Variants in FIBCD1 observed in about 807,000 individuals in gnomAD.
The protein encoded by FIBCD1 is fibrinogen C domain-containing protein 1.
Under a neutral mutation model 45.1 loss-of-function variants are expected in FIBCD1, and 47 were observed. That is an observed-to-expected ratio of 1.04 (90% CI 0.82 to 1.33). The LOEUF is 1.33. Ranked by LOEUF, FIBCD1 falls within the 40% of genes most tolerant of loss-of-function variation. The pLI is 0.00. For missense variants in FIBCD1, 653 were observed against 682.2 expected (o/e 0.96, Z 0.48); for synonymous variants, 313 against 308.1 (o/e 1.02, Z -0.17).
intron 2 of FIBCD1, among the ~76,000 whole-genome samples, chr9:130,925,094 G>A (rs936255551): frequency 1.3e-5 from 2 of 152,084 alleles, no homozygotes; most frequent in African/African-American, 4.8e-5. Context: ...AGCCCCTCAG[G>A]CTTCTGGACC....
intron 2 of FIBCD1, among the ~76,000 whole-genome samples, chr9:130,925,918 C>T (rs370965337): frequency 5.9e-5 from 9 of 152,328 alleles, no homozygotes; most frequent in Admixed American, 5.2e-4. Flanking sequence ...AAATATGATT[C>T]CCGGCTCGTC....
intron 4 of FIBCD1, among the ~76,000 whole-genome samples, chr9:130,921,147 C>T (rs1832253690): frequency 6.6e-6 from 1 of 152,226 alleles, no homozygotes; most frequent in Non-Finnish European, 1.5e-5. Context: ...ACAGGTCCCT[C>T]CGGGAAGCAG....
At chr9:130,923,681 C>T (rs1021214266) in intron 4 of FIBCD1, 63 bp downstream of exon 4, 2 of 1,585,352 alleles carry the variant, frequency 1.3e-6, no homozygotes, top group Admixed American at 1.8e-5. Flanking sequence ...TGCCCGGGTT[C>T]AGGTACACAG....
At chr9:130,911,975 C>G in intron 4 of FIBCD1, 87 bp from the exon 5 acceptor site, 1 of 1,240,264 alleles carries the variant, frequency 8.1e-7, no homozygotes, top group South Asian at 1.3e-5. Context: ...CAGAGACTCC[C>G]CTCACCCTGC....
At position 130,904,032 on chromosome 9, in the gene FIBCD1, G is replaced by T. The variant is rs1316130900; in HGVS notation, c.*32C>A. On this transcript the variant is annotated 3_prime_UTR_variant, in exon 7 of 7. Coordinates refer to ENST00000372338, the MANE Select transcript of FIBCD1 (RefSeq NM_032843.5). ...GTGGGGTCGGGGATGGGGCGACAGG[G>T]ACCAGCAGGGCCAAGGACAAGGTGC... 6.2e-7 allele frequency: 1 copy of T among 1,607,892 alleles called. No individual in the cohort carries two copies.
At chr9:130,924,172 A>C in intron 3 of FIBCD1, 65 bp downstream of exon 3, 1 of 1,476,080 alleles carries the variant, frequency 6.8e-7, no homozygotes. Flanking sequence ...CCCTCACCCC[A>C]ACTTCCCCGC....
intron 2 of FIBCD1, among the ~76,000 whole-genome samples, chr9:130,925,774 G>T (rs1832347983): frequency 6.6e-6 from 1 of 152,352 alleles, no homozygotes; most frequent in East Asian, 1.9e-4. Flanking sequence ...GGGTGAGGGG[G>T]TAGTGGGCAA....
In FIBCD1 at chr9:130,922,170, T is replaced by C. The variant is rs7035023; in HGVS notation, c.849+1574A>G. ...CCCTTCCCCCAGATGTTTGTGGGCCTGGACATCAATACACCAAAAATAGTC... is the reference window on the plus strand; with the variant it reads ...CCCTTCCCCCAGATGTTTGTGGGCCCGGACATCAATACACCAAAAATAGTC... On this transcript the variant is annotated intron_variant, in intron 4 of 6. Transcript: ENST00000372338. This position sits in a 1 kb window ranked among gnomAD's most constrained non-coding sequence, Gnocchi z 4.5. 0.26 allele frequency among the ~76,000 whole-genome samples: 40,202 copies of C among 152,156 alleles called. 6,050 individuals carry two copies. Among genetic ancestry groups the C allele is most frequent in the East Asian group, 0.54 (2,768 of 5,140 alleles).
rs1009650601 is a variant in FIBCD1 at position 130,926,338 on chromosome 9, T to A, written c.553-1942A>T. On this transcript the variant is annotated intron_variant, in intron 2 of 6. Transcript: ENST00000372338. This position sits in a 1 kb window ranked among gnomAD's most constrained non-coding sequence, Gnocchi z 4.1. ...AGATGATTAAAGTTGAAAATGTACA[T>A]ATAAACATGCCCCGAATTAATGGGG... Among the ~76,000 whole-genome samples the A allele has an allele frequency of 6.6e-6, 1 of 152,124 alleles. No individual in the cohort carries two copies. Among genetic ancestry groups the A allele is most frequent in the South Asian group, 2.1e-4 (1 of 4,830 alleles).
rs750331280 is a variant in FIBCD1 at position 130,938,533 on chromosome 9, T to C, written c.72+3A>G. The C allele has an allele frequency of 2.7e-6, 4 of 1,488,788 alleles. No individual in the cohort carries two copies. The South Asian group carries it at 3.8e-5, about 14-fold the overall frequency. The allele number at this position is 1,488,788 out of a possible 1,614,324, so 92.2% of individuals were successfully genotyped here. A position where few individuals can be genotyped will look rare whatever the true frequency, so the allele number is the denominator to read the frequency against. Reference sequence around the variant, plus strand: ...GGCCCCGTGTCCCAGCGCCCGAGCGTACCTGCGGCTTGTCGCGCGGCCGGT... The same window carrying C: ...GGCCCCGTGTCCCAGCGCCCGAGCGCACCTGCGGCTTGTCGCGCGGCCGGT... On this transcript the variant is annotated splice_donor_region_variant and intron_variant, in intron 1 of 6. Transcript: ENST00000372338.
rs561507884 is a variant in FIBCD1 at position 130,915,553 on chromosome 9, A to C, written c.850-3665T>G. ...CCCCGTCTCTACTAAAAATACAAAA[A>C]TTAGCCGGGCATAGTGGCAGGTGCC... On this transcript the variant is annotated intron_variant, in intron 4 of 6. Transcript: ENST00000372338. Among the ~76,000 whole-genome samples, 4 of 152,198 alleles carry C rather than the reference A, an allele frequency of 2.6e-5. No homozygotes were observed. In the South Asian group the frequency reaches 8.3e-4, roughly 32 times the overall value.
At chr9:130,939,856 G>T (rs894427374), upstream of FIBCD1, among the ~76,000 whole-genome samples, 1 of 151,830 alleles carries the variant, frequency 6.6e-6, no homozygotes, top group African/African-American at 2.4e-5. Flanking sequence ...CGCGGCGAAC[G>T]AGCTGCTATT....
chr9:130,908,750 G>C (rs1217695143), intron 5 of FIBCD1, among the ~76,000 whole-genome samples: 1 of 152,188 alleles, frequency 6.6e-6, no homozygotes, highest in Non-Finnish European at 1.5e-5. Context: ...TCAGCACGGG[G>C]TGTGGGCATG....
intron 5 of FIBCD1, among the ~76,000 whole-genome samples, chr9:130,910,457 CT>C (rs1489598542): frequency 2.0e-5 from 3 of 152,230 alleles, no homozygotes; most frequent in Non-Finnish European, 4.4e-5. Context: ...GCGCCACCCC[CT>C]GCTCCACAGC....
At chr9:130,927,243 A>C (rs1246595273) in intron 2 of FIBCD1, among the ~76,000 whole-genome samples, 1 of 149,588 alleles carries the variant, frequency 6.7e-6, no homozygotes, top group Non-Finnish European at 1.5e-5. Context: ...ACTGTCTCGA[A>C]AAAAAAAAAA....
intron 4 of FIBCD1, among the ~76,000 whole-genome samples, chr9:130,918,845 G>T (rs1832209200): frequency 6.6e-6 from 1 of 152,226 alleles, no homozygotes; most frequent in Non-Finnish European, 1.5e-5. Flanking sequence ...GAACCTTTCT[G>T]AGTCTGTTTC....
At chr9:130,920,339 ACTCC>A (rs1003263514) in intron 4 of FIBCD1, among the ~76,000 whole-genome samples, 36 of 151,618 alleles carry the variant, frequency 2.4e-4, no homozygotes, top group African/African-American at 8.7e-4. Context: ...CTCAGCACTG[ACTCC>A]CTCCCAGCCC....
intron 1 of FIBCD1, among the ~76,000 whole-genome samples, chr9:130,936,527 T>C (rs1334537517): frequency 6.6e-6 from 1 of 152,216 alleles, no homozygotes; most frequent in African/African-American, 2.4e-5. Context: ...AGCTGGGCTG[T>C]GTGGGGGCTG....
In FIBCD1 at chr9:130,903,679, C is replaced by A. The variant is rs570627721; in HGVS notation, c.*385G>T. 2.7e-5 allele frequency: 10 copies of A among 371,286 alleles called. No homozygotes were observed. Among genetic ancestry groups the A allele is most frequent in the Admixed American group, 1.5e-4 (4 of 26,256 alleles). 23.0% of individuals were successfully genotyped at this position (371,286 alleles called of 1,614,324 possible). ...GGACTCCAGGGGTGCTGTCTGCCCC[C>A]TGCTCTCTGTCCCCATAATGCCGGG... On this transcript the variant is annotated 3_prime_UTR_variant, in exon 7 of 7. Coordinates refer to ENST00000372338, the MANE Select transcript of FIBCD1 (RefSeq NM_032843.5).
Sources: gnomAD v4.1 joint callset for allele counts (sites outside exome capture counted in the v4.1 genomes callset) on GRCh38, gnomAD v4.1.1 for gene constraint, Gnocchi (gnomAD v3.1) non-coding constraint, MANE v1.5 for transcripts, NCBI Gene and HGNC (gene_info 2026-07-23, HGNC 2026-07-21) for gene names.